The following PTPRD variants were observed in gnomAD, a reference collection of about 807,000 sequenced individuals.
PTPRD encodes the protein protein tyrosine phosphatase receptor type D, also known as receptor-type tyrosine-protein phosphatase delta.
A neutral mutation model predicts 214.5 loss-of-function variants in PTPRD; 34 were observed. That is an observed-to-expected ratio of 0.16 (90% CI 0.12 to 0.21). PTPRD has a LOEUF of 0.21. Among genes scored for constraint, PTPRD ranks in the 10% least tolerant of loss-of-function variants. The pLI, the probability that PTPRD is intolerant of heterozygous loss-of-function variation, is 1.00. For synonymous variants in PTPRD, 1,128 were observed against 845.7 expected (o/e 1.33, Z -5.79); for missense variants, 2,545 against 2,398.7 (o/e 1.06, Z -1.27).
intron 3 of PTPRD, among the ~76,000 whole-genome samples, chr9:10,185,009 G>A (rs944061544): frequency 1.3e-5 from 2 of 152,064 alleles, no homozygotes; most frequent in Non-Finnish European, 2.9e-5. Context: ...TAAAAAATCA[G>A]ACACTCTATT....
chr9:8,905,920 CA>C (rs921091999), intron 11 of PTPRD, among the ~76,000 whole-genome samples: 57 of 152,186 alleles, frequency 3.7e-4, no homozygotes, highest in Middle Eastern at 3.4e-3. Flanking sequence ...TTACCAAATG[CA>C]AAAATAAATA....
intron 14 of PTPRD, among the ~76,000 whole-genome samples, chr9:8,538,724 A>G (rs1316657173): frequency 6.6e-6 from 1 of 151,814 alleles, no homozygotes; most frequent in Non-Finnish European, 1.5e-5. Context: ...ACAAACATAC[A>G]TTCTTTATAT....
chr9:9,692,808 A>G (rs1222903087), intron 7 of PTPRD, among the ~76,000 whole-genome samples: 6 of 151,814 alleles, frequency 4.0e-5, no homozygotes, highest in Admixed American at 3.9e-4. Flanking sequence ...AATTTCTTTC[A>G]TCAGTGTTTT....
At chr9:9,891,702 T>G (rs868109420) in intron 5 of PTPRD, among the ~76,000 whole-genome samples, 2 of 152,124 alleles carry the variant, frequency 1.3e-5, no homozygotes, top group African/African-American at 4.8e-5. Context: ...ATTTCCTATT[T>G]ATAAGTTGAG....
chr9:8,401,492 A>G (rs998039754), intron 36 of PTPRD, among the ~76,000 whole-genome samples: 3 of 152,322 alleles, frequency 2.0e-5, no homozygotes, highest in African/African-American at 7.2e-5. Context: ...TGCTTACCCT[A>G]TAATTAAACA....
chr9:10,133,609 T>C lies in PTPRD; in HGVS notation c.-544-99819A>G, dbSNP rs141756909. Among the ~76,000 whole-genome samples the C allele has an allele frequency of 6.5e-3, 989 of 152,246 alleles. 17 individuals are homozygous for C. Among genetic ancestry groups the C allele is most frequent in the African/African-American group, 0.023 (942 of 41,530 alleles). On this transcript the variant is annotated intron_variant, in intron 3 of 45. Transcript: ENST00000381196. The stretch of plus-strand genomic sequence containing the variant: ...TATAATATGAAATAACTAATGACTA[T>C]ATAGTATGAAATATAACTATAAGTC...
intron 43 of PTPRD, among the ~76,000 whole-genome samples, chr9:8,338,718 A>C (rs996558701): frequency 9.9e-5 from 15 of 152,200 alleles, no homozygotes; most frequent in African/African-American, 3.1e-4. Flanking sequence ...ATGAAAGCCA[A>C]ACTAAGGTTT....
At chr9:9,016,198 T>A (rs549907779) in intron 11 of PTPRD, among the ~76,000 whole-genome samples, 1 of 152,096 alleles carries the variant, frequency 6.6e-6, no homozygotes, top group African/African-American at 2.4e-5. Flanking sequence ...CCTCAAACAT[T>A]TGTCTTTTAT....
chr9:8,561,817 G>C (rs566698455), intron 14 of PTPRD, among the ~76,000 whole-genome samples: 19 of 151,254 alleles, frequency 1.3e-4, no homozygotes, highest in African/African-American at 4.6e-4. Context: ...TAACGGTTGA[G>C]ATGTCCAAAT....
chr9:9,604,375 A>C (rs1230661933), intron 7 of PTPRD, among the ~76,000 whole-genome samples: 1 of 152,102 alleles, frequency 6.6e-6, no homozygotes, highest in African/African-American at 2.4e-5. Flanking sequence ...ATATTTTGTG[A>C]GGGAAATATT....
chr9:10,113,082 T>C (rs913021343), intron 3 of PTPRD, among the ~76,000 whole-genome samples: 1 of 152,196 alleles, frequency 6.6e-6, no homozygotes, highest in Non-Finnish European at 1.5e-5. Flanking sequence ...GTTCCTTTAG[T>C]CTCAGCACTC....
At chr9:8,366,823 A>G (rs1588796240) in intron 39 of PTPRD, among the ~76,000 whole-genome samples, 1 of 152,110 alleles carries the variant, frequency 6.6e-6, no homozygotes, top group African/African-American at 2.4e-5. Flanking sequence ...GACTAATATC[A>G]TAGCACAAAA....
intron 2 of PTPRD, among the ~76,000 whole-genome samples, chr9:10,505,413 G>A (rs1447080687): frequency 6.6e-6 from 1 of 152,146 alleles, no homozygotes; most frequent in Non-Finnish European, 1.5e-5. Context: ...GATCCTTTAA[G>A]AATGCTGACT....
rs180995709 is a variant in PTPRD, at chr9:10,212,465, A to T, written c.-545+128498T>A. Among the ~76,000 whole-genome samples, 419 of 152,194 alleles carry T rather than the reference A, an allele frequency of 2.8e-3. 2 individuals are homozygous for T. The highest frequency in any genetic ancestry group is 9.7e-3 in the African/African-American group (405 of 41,540). On this transcript the variant is annotated intron_variant, in intron 3 of 45. Coordinates refer to ENST00000381196, the MANE Select transcript of PTPRD (RefSeq NM_002839.4). ...GTTTGAAGACAATATTAAAGATGAA[A>T]TTTCAATTGATTGCATTATTCATTT...
intron 7 of PTPRD, among the ~76,000 whole-genome samples, chr9:9,676,188 C>T (rs1056374970): frequency 6.6e-6 from 1 of 151,842 alleles, no homozygotes; most frequent in African/African-American, 2.4e-5. Context: ...AGGTTAGTTA[C>T]GTATGTATAC....
At chr9:8,831,386 T>G (rs2097288079) in intron 11 of PTPRD, among the ~76,000 whole-genome samples, 1 of 152,182 alleles carries the variant, frequency 6.6e-6, no homozygotes. Flanking sequence ...TTGCTTCCAT[T>G]ACACCATTAT....
At chr9:9,564,882 C>CTTTTTTTTT (rs1448047685) in intron 8 of PTPRD, among the ~76,000 whole-genome samples, 1 of 33,218 alleles carries the variant, frequency 3.0e-5, no homozygotes, top group African/African-American at 8.2e-5. Flanking sequence ...CTTGAATCTT[C>CTTTTTTTTT]TGTTTTTTTT....
Position 9,599,843 on chromosome 9 carries a change from T to C in PTPRD, c.-286-25062A>G, listed in dbSNP as rs570928148. Among the ~76,000 whole-genome samples, 6 of 152,118 alleles carry C rather than the reference T, an allele frequency of 3.9e-5. No homozygotes were observed. The East Asian group carries it at 1.2e-3, about 29-fold the overall frequency. ...ATGCTATTAAATATCTAGTTATTAGTCAAATAAAGAATATTTAAAGACTTT... is the reference window on the plus strand; with the variant it reads ...ATGCTATTAAATATCTAGTTATTAGCCAAATAAAGAATATTTAAAGACTTT... On this transcript the variant is annotated intron_variant, in intron 7 of 45. Transcript: ENST00000381196.
intron 30 of PTPRD, among the ~76,000 whole-genome samples, chr9:8,472,301 T>C (rs146132256): frequency 1.3e-5 from 2 of 152,152 alleles, no homozygotes; most frequent in East Asian, 1.9e-4. Context: ...CATACCCCCA[T>C]ACCTTTAAAA....
Sources: gnomAD v4.1 joint callset for allele counts (sites outside exome capture counted in the v4.1 genomes callset) on GRCh38, gnomAD v4.1.1 for gene constraint, MANE v1.5 for transcripts, NCBI Gene and HGNC (gene_info 2026-07-23, HGNC 2026-07-21) for gene names.